Variants in NR3C2 observed in about 807,000 individuals in gnomAD.
NR3C2 encodes the protein mineralocorticoid receptor.
In NR3C2, 15 loss-of-function variants were observed where a neutral mutation model predicts 86.4. The observed-to-expected ratio is 0.17, with a 90% confidence interval of 0.12 to 0.27. The LOEUF is 0.27. NR3C2 is among the 10% of genes least tolerant of loss of function. The pLI, the probability that NR3C2 is intolerant of heterozygous loss-of-function variation, is 1.00. For synonymous variants in NR3C2, 458 were observed against 450.5 expected, an observed-to-expected ratio of 1.02 and a Z score of -0.21; for missense variants, 960 against 1,195.6, an observed-to-expected ratio of 0.80 and a Z score of 2.91.
At chr4:148,378,329 G>A (rs1247575912) in intron 2 of NR3C2, among the ~76,000 whole-genome samples, 1 of 151,860 alleles carries the variant, frequency 6.6e-6, no homozygotes, top group African/African-American at 2.4e-5. Context: ...CAGAAGAACT[G>A]GGCAACAGTG....
Position 148,194,835 on chromosome 4 carries a change from C to T in NR3C2, c.1925G>A (p.Arg642Lys), listed in dbSNP as rs1245698061. 6.2e-7 allele frequency: 1 copy of T among 1,611,708 alleles called. No individual in the cohort carries two copies. The highest frequency in any genetic ancestry group is 8.5e-7 in the Non-Finnish European group (1 of 1,179,442). Reference protein sequence around the residue: ...EGQHNYLCAGRNDCIIDKIRR... With the variant: ...EGQHNYLCAGKNDCIIDKIRR... ...AATCTTATCAATGATGCAATCATTT[C>T]TTCCAGCACATAAATAGTTGTGTTG... Residue 642 changes from arginine (R) to lysine (K), a missense_variant, in exon 4 of 9, where the codon AGA becomes AAA. Around this residue, in one of 4 missense-constraint regions of NR3C2, gnomAD observed 47 missense variants for 107.3 expected, o/e 0.44. Transcript: ENST00000358102.
At chr4:148,206,349 T>G (rs1737006829) in intron 3 of NR3C2, among the ~76,000 whole-genome samples, 1 of 152,220 alleles carries the variant, frequency 6.6e-6, no homozygotes, top group African/African-American at 2.4e-5. Flanking sequence ...ACTTTTCTAA[T>G]TTTATAACTC....
chr4:148,124,167 G>T lies in NR3C2; in HGVS notation c.2511-3879C>A, dbSNP rs142877743. ...GTGGAAGAATCACTTGAACCAGGAG[G>T]TGGAGTAATAGTGAGCCAAAATCTG... is the stretch of plus-strand genomic sequence containing the variant. On this transcript the variant is annotated intron_variant, in intron 6 of 8. Transcript: ENST00000358102. Among the ~76,000 whole-genome samples the T allele has an allele frequency of 2.6e-3, 399 of 152,308 alleles. 1 individual carries two copies. Among genetic ancestry groups the T allele is most frequent in the African/African-American group, 8.8e-3 (367 of 41,566 alleles).
intron 6 of NR3C2, among the ~76,000 whole-genome samples, chr4:148,144,262 T>G (rs1189038867): frequency 1.3e-5 from 2 of 152,138 alleles, no homozygotes; most frequent in East Asian, 3.9e-4. Context: ...TGGGGTGCAG[T>G]GGTGCAATCA....
In NR3C2 at chr4:148,363,504, C is replaced by CTTTT. The variant is rs1375693723; in HGVS notation, c.1757+71599_1757+71600insAAAA. Among the ~76,000 whole-genome samples the CTTTT allele has an allele frequency of 1.3e-3, 90 of 69,890 alleles. 12 individuals carry two copies. The highest frequency in any genetic ancestry group is 3.9e-3 in the African/African-American group (65 of 16,810). The allele number at this position is 69,890 out of a possible 152,430, so 45.9% of individuals were successfully genotyped here. A position where few individuals can be genotyped will look rare whatever the true frequency, so the allele number is the denominator to read the frequency against. On this transcript the variant is annotated intron_variant, in intron 2 of 8. Transcript: ENST00000358102. Reference sequence around the variant, plus strand: ...ATTAAAGTCTAGACTTCTCATAGATCTCTTTTTTTTTTTTTTTGAGACGGA... The same window carrying CTTTT: ...ATTAAAGTCTAGACTTCTCATAGATCTTTTTCTTTTTTTTTTTTTTTGAGACGGA...
Position 148,435,589 on chromosome 4 carries a change from T to G in NR3C2, c.1272A>C (p.Ser424=). ...TGGTTGATTCTTGCTTTATTGGTAC[T>G]GAGAATGAAGAATCCGAATTTATTT... The part of the protein sequence containing the change: ...NSKINSDSSF[S]VPIKQESTKH... The change falls in exon 2 of 9, where the codon TCA becomes TCC. Residue 424 remains serine, a synonymous_variant. Coordinates refer to ENST00000358102, the MANE Select transcript of NR3C2 (RefSeq NM_000901.5). 6.2e-7 allele frequency: 1 copy of G among 1,614,158 alleles called. No homozygotes were observed. The highest frequency in any genetic ancestry group is 8.5e-7 in the Non-Finnish European group (1 of 1,180,038).
chr4:148,171,010 T>TC (rs1246190936), intron 4 of NR3C2, among the ~76,000 whole-genome samples: 11 of 152,222 alleles, frequency 7.2e-5, no homozygotes, highest in African/African-American at 2.7e-4. Flanking sequence ...CTGGTTGATC[T>TC]CAACATTCAC....
At chr4:148,145,854 C>T (rs953898794) in intron 6 of NR3C2, among the ~76,000 whole-genome samples, 2 of 151,778 alleles carry the variant, frequency 1.3e-5, no homozygotes, top group African/African-American at 2.4e-5. Context: ...CAATGGAAAT[C>T]TCAGGAGGAG....
intron 3 of NR3C2, among the ~76,000 whole-genome samples, chr4:148,253,466 C>T (rs746510627): frequency 2.0e-5 from 3 of 152,170 alleles, no homozygotes; most frequent in Non-Finnish European, 4.4e-5. Context: ...ACGTGTGCCA[C>T]GCATGCACTC....
intron 3 of NR3C2, among the ~76,000 whole-genome samples, chr4:148,254,447 C>A (rs1266355963): frequency 6.6e-6 from 1 of 152,182 alleles, no homozygotes; most frequent in African/African-American, 2.4e-5. Context: ...CAAGATTCAG[C>A]ATGGGGGTCA....
intron 2 of NR3C2, among the ~76,000 whole-genome samples, chr4:148,301,695 A>T (rs1177436580): frequency 6.6e-6 from 1 of 152,218 alleles, no homozygotes; most frequent in Non-Finnish European, 1.5e-5. Context: ...AACTTATGGT[A>T]ATCTGGAATT....
At chr4:148,299,207 T>C (rs1317094472) in intron 2 of NR3C2, among the ~76,000 whole-genome samples, 1 of 152,180 alleles carries the variant, frequency 6.6e-6, no homozygotes, top group African/African-American at 2.4e-5. Context: ...AGATTTTAGC[T>C]GAACTAAGGA....
At chr4:148,433,038 G>C (rs938584950) in intron 2 of NR3C2, among the ~76,000 whole-genome samples, 1 of 152,122 alleles carries the variant, frequency 6.6e-6, no homozygotes, top group Admixed American at 6.5e-5. Context: ...AGGAATTTTG[G>C]AATACTCAAG....
intron 2 of NR3C2, among the ~76,000 whole-genome samples, chr4:148,323,625 G>A (rs1265947809): frequency 6.6e-6 from 1 of 152,102 alleles, no homozygotes; most frequent in African/African-American, 2.4e-5. Context: ...GTATTCGGGT[G>A]GGAGTGACCC....
At chr4:148,306,773 A>G (rs1561031252) in intron 2 of NR3C2, among the ~76,000 whole-genome samples, 1 of 152,246 alleles carries the variant, frequency 6.6e-6, no homozygotes, top group African/African-American at 2.4e-5. Flanking sequence ...AGTTAAATGC[A>G]TAATTTCACC....
At chr4:148,267,957 T>G (rs1740482943) in intron 2 of NR3C2, among the ~76,000 whole-genome samples, 10 of 122,424 alleles carry the variant, frequency 8.2e-5, no homozygotes. Flanking sequence ...TTTTTTTTTT[T>G]GAGACGGAGT....
At chr4:148,085,129 T>C (rs1730753474) in intron 8 of NR3C2, among the ~76,000 whole-genome samples, 1 of 152,196 alleles carries the variant, frequency 6.6e-6, no homozygotes, top group African/African-American at 2.4e-5. Flanking sequence ...GGACTTGAAC[T>C]CAGCTCTGGA....
intron 2 of NR3C2, among the ~76,000 whole-genome samples, chr4:148,337,960 A>G (rs1399075779): frequency 1.3e-5 from 2 of 152,152 alleles, no homozygotes; most frequent in African/African-American, 2.4e-5. Flanking sequence ...TGTATCTTGA[A>G]TTTCTCACTA....
At chr4:148,242,364 T>C (rs1317731549) in intron 3 of NR3C2, among the ~76,000 whole-genome samples, 2 of 152,216 alleles carry the variant, frequency 1.3e-5, no homozygotes, top group South Asian at 2.1e-4. Context: ...GAAAGCAATC[T>C]GGCAACATTT....
Sources: gnomAD v4.1 joint callset for allele counts (sites outside exome capture counted in the v4.1 genomes callset) on GRCh38, gnomAD v4.1.1 for gene constraint, gnomAD v4.1.1 regional missense constraint, MANE v1.5 for transcripts, NCBI Gene and HGNC (gene_info 2026-07-23, HGNC 2026-07-21) for gene names.